The following LTF variants were observed in gnomAD, a reference collection of about 807,000 sequenced individuals.
The protein encoded by LTF is epididymis luminal protein 110.
Under a neutral mutation model 87.2 loss-of-function variants are expected in LTF, and 91 were observed. That is an observed-to-expected ratio of 1.04 (90% CI 0.88 to 1.24). The LOEUF (loss-of-function observed/expected upper bound fraction) is 1.24, where lower values mean the gene tolerates loss of function less well. Among genes scored for constraint, LTF ranks in the 50% most tolerant of loss-of-function variants. The pLI is 0.00. For missense variants in LTF, 901 were observed against 904.3 expected (o/e 1.00, Z 0.05); for synonymous variants, 378 against 356.1 (o/e 1.06, Z -0.69).
intron 1 of LTF, among the ~76,000 whole-genome samples, chr3:46,478,956 G>T (rs1331878894): frequency 1.3e-5 from 2 of 152,198 alleles, no homozygotes; most frequent in Non-Finnish European, 2.9e-5. Context: ...ACTTAGAGGG[G>T]TTCCCTCAAC....
At chr3:46,481,388 G>A (rs1456023484) in intron 1 of LTF, among the ~76,000 whole-genome samples, 2 of 152,208 alleles carry the variant, frequency 1.3e-5, no homozygotes, top group South Asian at 4.1e-4. Context: ...AGGTGTGGTG[G>A]TTCACACTTG....
Position 46,456,272 on chromosome 3 carries a change from T to TG in LTF, c.316+17_316+18insC. ...GGCTGAGGCCACCGTGGCCTCTGGGTCCCCAGGCAGAACTCACGTCTTTCG... is the reference window on the plus strand; with the variant it reads ...GGCTGAGGCCACCGTGGCCTCTGGGTGCCCCAGGCAGAACTCACGTCTTTCG... On this transcript the variant is annotated intron_variant, in intron 3 of 16. Coordinates refer to ENST00000231751, the MANE Select transcript of LTF (RefSeq NM_002343.6). 1 of 1,610,194 alleles carries TG rather than the reference T, an allele frequency of 6.2e-7. No homozygotes were observed.
intron 1 of LTF, among the ~76,000 whole-genome samples, chr3:46,471,613 T>A (rs912384962): frequency 1.3e-5 from 2 of 152,128 alleles, no homozygotes; most frequent in African/African-American, 2.4e-5. Flanking sequence ...AAGCCCTGCA[T>A]AAAGGTACAC....
intron 9 of LTF, among the ~76,000 whole-genome samples, chr3:46,448,195 C>T (rs569448456): frequency 3.9e-5 from 6 of 152,052 alleles, no homozygotes; most frequent in Non-Finnish European, 7.4e-5. Context: ...GAGACCCTGT[C>T]GCTACAATAA....
chr3:46,459,521 G>A lies in LTF; in HGVS notation c.207+135C>T, dbSNP rs114347325. ...CTCTGAAAATAGCACAGTTCCCTGT[G>A]AGAGAGGACGGCTCCCCACTTCGTT... On this transcript the variant is annotated intron_variant, in intron 2 of 16. Coordinates refer to ENST00000231751, the MANE Select transcript of LTF (RefSeq NM_002343.6). The A allele has an allele frequency of 5.1e-3, 4,152 of 810,334 alleles. 24 individuals carry two copies. The highest frequency in any genetic ancestry group is 6.5e-3 in the Non-Finnish European group (3,763 of 581,090). The allele number at this position is 810,334 out of a possible 1,614,324, so 50.2% of individuals were successfully genotyped here.
intron 1 of LTF, among the ~76,000 whole-genome samples, chr3:46,475,165 A>G (rs956140990): frequency 6.6e-6 from 1 of 152,180 alleles, no homozygotes; most frequent in African/African-American, 2.4e-5. Flanking sequence ...CTCTACACAC[A>G]TACATTTGAC....
At chr3:46,437,003 A>G (rs1021374883) in intron 16 of LTF, among the ~76,000 whole-genome samples, 3 of 152,208 alleles carry the variant, frequency 2.0e-5, no homozygotes, top group East Asian at 1.9e-4. Flanking sequence ...ATTGTCTCTC[A>G]TTGAAAACTA....
At chr3:46,482,478 G>A (rs1703444680) in intron 1 of LTF, among the ~76,000 whole-genome samples, 2 of 107,644 alleles carry the variant, frequency 1.9e-5, no homozygotes, top group African/African-American at 7.3e-5. Context: ...AAAAAAGAAA[G>A]GAGAAGGAAG....
At chr3:46,449,664 G>A (rs924611336) in intron 8 of LTF, among the ~76,000 whole-genome samples, 190 bp downstream of exon 8, 1 of 152,216 alleles carries the variant, frequency 6.6e-6, no homozygotes, top group African/African-American at 2.4e-5. Context: ...GACGTGCACT[G>A]ATCAGGTGGC....
chr3:46,483,487 T>C (rs1703477676), intron 1 of LTF, among the ~76,000 whole-genome samples: 1 of 152,196 alleles, frequency 6.6e-6, no homozygotes, highest in South Asian at 2.1e-4. Context: ...GAATCTCACA[T>C]GCATAGTATT....
At chr3:46,448,056 T>C (rs752553051) in intron 9 of LTF, among the ~76,000 whole-genome samples, 1 of 152,142 alleles carries the variant, frequency 6.6e-6, no homozygotes, top group Admixed American at 6.5e-5. Context: ...AAAGATATCC[T>C]GGAAGCATGT....
At chr3:46,464,760 G>T in intron 1 of LTF, 65 bp downstream of exon 1, 5 of 1,575,032 alleles carry the variant, frequency 3.2e-6, no homozygotes, top group Non-Finnish European at 4.4e-6. Context: ...GGACCAAAGC[G>T]CCTAGCAGAC....
At position 46,459,713 on chromosome 3, in the gene LTF, G is replaced by C; in HGVS notation, c.150C>G (p.Gly50=). The part of the protein sequence containing the change: ...QWQRNMRKVR[G]PPVSCIKRDS... ...CTCTCTTTATGCAGCTGACAGGAGGGCCACGCACTTTTCTCATATTCCTTT... is the reference window on the plus strand; with the variant it reads ...CTCTCTTTATGCAGCTGACAGGAGGCCCACGCACTTTTCTCATATTCCTTT... The change falls in exon 2 of 17, where the codon GGC becomes GGG. Residue 50 remains glycine (G), a synonymous_variant. Transcript: ENST00000231751. The C allele has an allele frequency of 1.3e-6, 2 of 1,578,854 alleles. No individual in the cohort carries two copies. Among genetic ancestry groups the C allele is most frequent in the Non-Finnish European group, 1.7e-6 (2 of 1,165,644 alleles).
At chr3:46,442,797 G>T (rs1288359979) in intron 13 of LTF, among the ~76,000 whole-genome samples, 1 of 152,136 alleles carries the variant, frequency 6.6e-6, no homozygotes, top group East Asian at 1.9e-4. Context: ...GCAAATGGAG[G>T]AAAAGGAACA....
At chr3:46,479,009 G>T (rs1703397692) in intron 1 of LTF, among the ~76,000 whole-genome samples, 1 of 152,184 alleles carries the variant, frequency 6.6e-6, no homozygotes, top group Non-Finnish European at 1.5e-5. Flanking sequence ...CCAGGTCCTT[G>T]TTAGGTACTG....
In LTF at chr3:46,447,432, T is replaced by G. The variant is rs1702683248; in HGVS notation, c.1213-34A>C. 2 of 1,459,442 alleles carry G rather than the reference T, an allele frequency of 1.4e-6. 1 individual carries two copies. Among genetic ancestry groups the G allele is most frequent in the Admixed American group, 3.3e-5 (2 of 59,796 alleles). The allele number at this position is 1,459,442 out of a possible 1,614,324, so 90.4% of individuals were successfully genotyped here. On this transcript the variant is annotated intron_variant, in intron 9 of 16. Coordinates refer to ENST00000231751, the MANE Select transcript of LTF (RefSeq NM_002343.6). ...ACAGAGCAGATCTCCAGCACCACAG[T>G]GAGGCTGCATCCCGTCCTGCCTGTC...
chr3:46,449,402 C>A (rs1041758309), intron 8 of LTF, among the ~76,000 whole-genome samples: 15 of 152,168 alleles, frequency 9.9e-5, no homozygotes, highest in Non-Finnish European at 2.9e-5. Context: ...CGCCTGCAAT[C>A]ACCACCAATA....
At chr3:46,449,537 G>A (rs113350586) in intron 8 of LTF, among the ~76,000 whole-genome samples, 68 of 152,332 alleles carry the variant, frequency 4.5e-4, no homozygotes, top group African/African-American at 1.5e-3. Flanking sequence ...CCTGGGAAGT[G>A]TGGGTAAATC....
chr3:46,441,860 G>A (rs112990989), intron 13 of LTF: 4,403 of 185,616 alleles, frequency 0.024, 115 homozygotes, highest in African/African-American at 0.068. Flanking sequence ...GCCTTCTGGA[G>A]CAGCACTTCC....
Sources: allele counts gnomAD v4.1 joint callset (sites outside exome capture counted in the v4.1 genomes callset), GRCh38; gene constraint gnomAD v4.1.1; transcripts MANE v1.5; gene names NCBI Gene and HGNC (gene_info 2026-07-23, HGNC 2026-07-21).